The following JAZF1 variants were observed in gnomAD, a reference collection of about 807,000 sequenced individuals.
JAZF1 encodes juxtaposed with another zinc finger protein 1.
JAZF1 carries 8 observed loss-of-function variants against 26.4 expected under a neutral mutation model. That is an observed-to-expected ratio of 0.30 (90% CI 0.18 to 0.55). The LOEUF is 0.55. Among genes scored for constraint, JAZF1 ranks in the 20% least tolerant of loss-of-function variants. The pLI is 0.94. For synonymous variants in JAZF1, 126 were observed against 122.3 expected (o/e 1.03, Z -0.20); for missense variants, 199 against 322.0 (o/e 0.62, Z 2.92).
At chr7:28,090,339 C>T (rs547940279) in intron 1 of JAZF1, among the ~76,000 whole-genome samples, 2 of 152,316 alleles carry the variant, frequency 1.3e-5, no homozygotes, top group African/African-American at 4.8e-5. Flanking sequence ...AACGAAGATG[C>T]TAATATCCAG....
chr7:28,081,657 G>T (rs1784139537), intron 1 of JAZF1, among the ~76,000 whole-genome samples: 1 of 152,148 alleles, frequency 6.6e-6, no homozygotes, highest in African/African-American at 2.4e-5. Flanking sequence ...CACCACCAGA[G>T]AGCGAAGTGG....
chr7:27,973,963 G>A (rs910356610), intron 2 of JAZF1, among the ~76,000 whole-genome samples: 10 of 152,144 alleles, frequency 6.6e-5, no homozygotes, highest in Admixed American at 4.6e-4. Context: ...TTCAAGAGGC[G>A]ATGAGGATGC....
At chr7:27,962,058 T>C (rs1383696569) in intron 2 of JAZF1, among the ~76,000 whole-genome samples, 1 of 152,220 alleles carries the variant, frequency 6.6e-6, no homozygotes. Context: ...ATTATTTAAA[T>C]AGTGATCATA....
In JAZF1 at chr7:28,016,949, T is replaced by C. The variant is rs557212657; in HGVS notation, c.116-24968A>G. Among the ~76,000 whole-genome samples the C allele has an allele frequency of 5.3e-5, 8 of 152,312 alleles. No individual in the cohort carries two copies. The East Asian group carries it at 1.5e-3, about 29-fold the overall frequency. ...CAATAAGGACATCACTAAGTATACA[T>C]TGTTATGTGTACTATGTCAGATGGT... On this transcript the variant is annotated intron_variant, in intron 1 of 4. Coordinates refer to ENST00000283928, the MANE Select transcript of JAZF1 (RefSeq NM_175061.4).
chr7:27,995,480 C>T (rs57781925), intron 1 of JAZF1, among the ~76,000 whole-genome samples: 4,149 of 152,154 alleles, frequency 0.027, 191 homozygotes, highest in African/African-American at 0.095. Flanking sequence ...AACACAGCAC[C>T]GACAGAGATT....
chr7:27,961,312 G>A (rs746726349), intron 2 of JAZF1, among the ~76,000 whole-genome samples: 2 of 152,140 alleles, frequency 1.3e-5, no homozygotes, highest in Non-Finnish European at 2.9e-5. Context: ...CTGTGTTCCT[G>A]GTCACTAAGC....
At chr7:27,906,594 T>C (rs1051624877) in intron 2 of JAZF1, among the ~76,000 whole-genome samples, 2 of 152,252 alleles carry the variant, frequency 1.3e-5, no homozygotes, top group African/African-American at 4.8e-5. Context: ...CAGGTCAGCA[T>C]AAATTATCAG....
intron 3 of JAZF1, among the ~76,000 whole-genome samples, chr7:27,887,227 C>G (rs940178702): frequency 2.0e-5 from 3 of 151,238 alleles, no homozygotes; most frequent in African/African-American, 7.3e-5. Context: ...ACCCCCATGA[C>G]ACAAGTTTAC....
At chr7:27,856,055 G>A (rs867484984) in intron 3 of JAZF1, among the ~76,000 whole-genome samples, 4 of 152,202 alleles carry the variant, frequency 2.6e-5, no homozygotes, top group Non-Finnish European at 5.9e-5. Context: ...AAGTGTGTCC[G>A]GAATTGGTGG....
chr7:27,908,788 C>T (rs1012453527), intron 2 of JAZF1, among the ~76,000 whole-genome samples: 2 of 152,212 alleles, frequency 1.3e-5, no homozygotes, highest in East Asian at 3.8e-4. Flanking sequence ...TCAGGCCAAC[C>T]TCATCTACTC....
At chr7:28,139,145 T>G (rs1447900095) in intron 1 of JAZF1, among the ~76,000 whole-genome samples, 2 of 152,180 alleles carry the variant, frequency 1.3e-5, no homozygotes, top group Non-Finnish European at 2.9e-5. Context: ...AAACACTGAT[T>G]TTGTATCCTC....
At chr7:27,878,419 T>G (rs971314557) in intron 3 of JAZF1, among the ~76,000 whole-genome samples, 9 of 152,238 alleles carry the variant, frequency 5.9e-5, no homozygotes, top group African/African-American at 2.2e-4. Context: ...CTTATCCTTA[T>G]GGAGTGTGAA....
chr7:27,895,681 T>A (rs760503554), intron 2 of JAZF1, among the ~76,000 whole-genome samples: 90 of 152,118 alleles, frequency 5.9e-4, no homozygotes, highest in Non-Finnish European at 1.0e-3. Context: ...ACAGAATACA[T>A]CTGCACCCAC....
At chr7:27,925,086 A>G (rs1387619072) in intron 2 of JAZF1, among the ~76,000 whole-genome samples, 3 of 152,214 alleles carry the variant, frequency 2.0e-5, no homozygotes, top group Admixed American at 2.0e-4. Context: ...TGGACTTCCT[A>G]TTGAAAACAC....
intron 1 of JAZF1, among the ~76,000 whole-genome samples, chr7:28,076,566 C>T (rs891046558): frequency 6.6e-5 from 10 of 151,982 alleles, no homozygotes; most frequent in African/African-American, 1.7e-4. Flanking sequence ...TTCTGAATTC[C>T]GGTTAGGATA....
Position 27,949,135 on chromosome 7 carries a change from C to T in JAZF1, c.188+42774G>A, listed in dbSNP as rs542301104. ...CTGGACTCCTCCAATTCCATAGTCA[C>T]TCAGATAAATTCTGTAGAACAATAA... On this transcript the variant is annotated intron_variant, in intron 2 of 4. Coordinates refer to ENST00000283928, the MANE Select transcript of JAZF1 (RefSeq NM_175061.4). Among the ~76,000 whole-genome samples the T allele has an allele frequency of 3.9e-5, 6 of 152,292 alleles. No individual in the cohort carries two copies. In the South Asian group the frequency reaches 1.2e-3, roughly 32 times the overall value.
intron 1 of JAZF1, among the ~76,000 whole-genome samples, chr7:28,118,788 ACACAAC>A (rs1478962160): frequency 4.1e-5 from 6 of 146,974 alleles, no homozygotes; most frequent in Non-Finnish European, 7.6e-5. Flanking sequence ...ACACACACAC[ACACAAC>A]ACACACACAC....
intron 3 of JAZF1, among the ~76,000 whole-genome samples, chr7:27,878,124 A>T (rs1041691808): frequency 6.6e-6 from 1 of 152,164 alleles, no homozygotes; most frequent in African/African-American, 2.4e-5. Flanking sequence ...GGAGTGAACT[A>T]CGAACATGAT....
At chr7:28,142,973 T>C (rs1340841305) in intron 1 of JAZF1, among the ~76,000 whole-genome samples, 2 of 152,148 alleles carry the variant, frequency 1.3e-5, no homozygotes, top group Non-Finnish European at 2.9e-5. Context: ...GAAAGAGCAT[T>C]GTACTGGGAG....
Sources: gnomAD v4.1 joint callset for allele counts (sites outside exome capture counted in the v4.1 genomes callset) on GRCh38, gnomAD v4.1.1 for gene constraint, MANE v1.5 for transcripts, NCBI Gene and HGNC (gene_info 2026-07-23, HGNC 2026-07-21) for gene names.